Variants in SHTN1 observed in about 807,000 individuals in gnomAD.
SHTN1 encodes shootin-1.
Under a neutral mutation model 83.1 loss-of-function variants are expected in SHTN1, and 42 were observed. The observed-to-expected ratio is 0.51, with a 90% CI of 0.39 to 0.65. The LOEUF (loss-of-function observed/expected upper bound fraction) is 0.65. SHTN1 is among the 30% of genes least tolerant of loss of function. The pLI is 0.00. For missense variants in SHTN1, 622 were observed against 737.8 expected, an observed-to-expected ratio of 0.84 and a Z score of 1.82; for synonymous variants, 224 against 247.7, an observed-to-expected ratio of 0.90 and a Z score of 0.90.
rs1425006865 is a variant in SHTN1 at position 116,921,589 on chromosome 10, C to T, written c.1113-73G>A. 9.5e-6 allele frequency: 10 copies of T among 1,054,976 alleles called. 1 individual carries two copies. Among genetic ancestry groups the T allele is most frequent in the African/African-American group, 1.6e-5 (1 of 62,746 alleles). 65.4% of individuals were successfully genotyped at this position (1,054,976 alleles called of 1,614,324 possible). A position where few individuals can be genotyped will look rare whatever the true frequency, so the allele number is the denominator to read the frequency against. ...TCCTAAATAACCAGTAAAAATCTCA[C>T]TCTTTGATAGGTGCATGAATATATA... On this transcript the variant is annotated intron_variant, in intron 11 of 16. Transcript: ENST00000355371.
In SHTN1 at chr10:117,051,999, C is replaced by CATATAT. The variant is rs71013635; in HGVS notation, c.-188-3495_-188-3490dup. 4.6e-3 allele frequency among the ~76,000 whole-genome samples: 156 copies of CATATAT among 34,118 alleles called. 8 individuals are homozygous for CATATAT. Among genetic ancestry groups the CATATAT allele is most frequent in the Middle Eastern group, 0.026 (1 of 38 alleles). The allele number at this position is 34,118 out of a possible 152,430, so 22.4% of individuals were successfully genotyped here. ...TACCTTTATTTTCAAATGACATAAT[C>CATATAT]ATATATATATATATATATATATAGA... On this transcript the variant is annotated intron_variant, in intron 1 of 17. Transcript: ENST00000392901.
intron 1 of SHTN1, among the ~76,000 whole-genome samples, chr10:117,064,209 C>CT (rs1852940205): frequency 6.6e-6 from 1 of 152,202 alleles, no homozygotes; most frequent in Non-Finnish European, 1.5e-5. Flanking sequence ...ATGCTCCAAC[C>CT]ATGAGTTTGC....
At chr10:116,987,271 T>C (rs1007692604) in intron 1 of SHTN1, among the ~76,000 whole-genome samples, 1 of 152,078 alleles carries the variant, frequency 6.6e-6, no homozygotes, top group Non-Finnish European at 1.5e-5. Flanking sequence ...GAGCTAATGA[T>C]AAAACTATGA....
upstream of SHTN1, among the ~76,000 whole-genome samples, chr10:117,009,279 T>C (rs1289515592): frequency 2.0e-5 from 3 of 152,086 alleles, no homozygotes; most frequent in African/African-American, 7.2e-5. Context: ...GACATATAGA[T>C]AATACATAGC....
rs534195833 is a variant in SHTN1 at position 116,982,962 on chromosome 10, C to CA, written c.59-3655dup. ...TGGGTAACAGAGCAAGACTCTGTCTCAAAAAAAAAAAAGAACAGATGAATC... is the reference window on the plus strand; with the variant it reads ...TGGGTAACAGAGCAAGACTCTGTCTCAAAAAAAAAAAAAGAACAGATGAATC... On this transcript the variant is annotated intron_variant, in intron 1 of 16. Transcript: ENST00000355371. 6.6e-3 allele frequency among the ~76,000 whole-genome samples: 906 copies of CA among 137,988 alleles called. 6 individuals are homozygous for CA. The highest frequency in any genetic ancestry group is 0.022 in the South Asian group (97 of 4,358). The allele number at this position is 137,988 out of a possible 152,430, so 90.5% of individuals were successfully genotyped here.
intron 2 of SHTN1, among the ~76,000 whole-genome samples, chr10:117,034,346 C>T (rs926576522): frequency 6.6e-6 from 1 of 152,058 alleles, no homozygotes; most frequent in African/African-American, 2.4e-5. Context: ...TTGCAGGATA[C>T]AAAATCAACA....
In SHTN1 at chr10:117,028,714, G is replaced by A. The variant is rs142453373; in HGVS notation, c.-123+19731C>T. 3.9e-3 allele frequency among the ~76,000 whole-genome samples: 596 copies of A among 152,320 alleles called. 4 individuals are homozygous for A. The highest frequency in any genetic ancestry group is 0.013 in the African/African-American group (558 of 41,578). ...AGCTGCAAGCCTTGGCAGTTCCCACGTGGTGTTAAGCCTGCAGGTGCACAG... is the reference window on the plus strand; with the variant it reads ...AGCTGCAAGCCTTGGCAGTTCCCACATGGTGTTAAGCCTGCAGGTGCACAG... On this transcript the variant is annotated intron_variant, in intron 2 of 17. Coordinates refer to the SHTN1 transcript ENST00000392901.
intron 1 of SHTN1, among the ~76,000 whole-genome samples, chr10:117,069,530 C>T (rs1853050977): frequency 6.6e-6 from 1 of 152,196 alleles, no homozygotes; most frequent in Admixed American, 6.5e-5. Flanking sequence ...TAATCATGAA[C>T]TTGTGTAGGT....
At chr10:116,905,891 A>T (rs1299231153) in intron 15 of SHTN1, among the ~76,000 whole-genome samples, 1 of 152,202 alleles carries the variant, frequency 6.6e-6, no homozygotes, top group Non-Finnish European at 1.5e-5. Flanking sequence ...ACGCACAGTT[A>T]TGGGATACAT....
chr10:116,964,833 T>G (rs944969883), intron 3 of SHTN1, among the ~76,000 whole-genome samples: 8 of 151,432 alleles, frequency 5.3e-5, no homozygotes, highest in African/African-American at 1.9e-4. Flanking sequence ...AAATACAAAG[T>G]TAGCTGCCTG....
chr10:117,070,899 C>T (rs1173941358), intron 1 of SHTN1, among the ~76,000 whole-genome samples: 1 of 151,994 alleles, frequency 6.6e-6, no homozygotes, highest in Non-Finnish European at 1.5e-5. Flanking sequence ...GCTGCATCAT[C>T]TTCACCAGCC....
At position 117,003,598 on chromosome 10, in the gene SHTN1, A is replaced by G. The variant is rs1404923090; in HGVS notation, c.58+1424T>C. ...CTGTGGTTTTACGCAACAACAGGTA[A>G]GAGTACTGGACAGGACCTCAGAAAG... On this transcript the variant is annotated intron_variant, in intron 1 of 16. Coordinates refer to ENST00000355371, the MANE Select transcript of SHTN1 (RefSeq NM_001127211.3). Among the ~76,000 whole-genome samples the G allele has an allele frequency of 4.6e-5, 7 of 152,110 alleles. No homozygotes were observed. In the South Asian group the frequency reaches 6.2e-4, roughly 14 times the overall value.
At chr10:117,021,071 C>T (rs1852256855) in intron 2 of SHTN1, among the ~76,000 whole-genome samples, 1 of 152,050 alleles carries the variant, frequency 6.6e-6, no homozygotes, top group South Asian at 2.1e-4. Context: ...CAAGGAAATA[C>T]AAGTAAAAAC....
At chr10:117,102,501 C>G (rs1589933236) in intron 1 of SHTN1, among the ~76,000 whole-genome samples, 1 of 152,112 alleles carries the variant, frequency 6.6e-6, no homozygotes. Flanking sequence ...ATCCAAACCA[C>G]GACATGCTTC....
chr10:117,051,410 T>C (rs1363430952), intron 1 of SHTN1, among the ~76,000 whole-genome samples: 1 of 152,170 alleles, frequency 6.6e-6, no homozygotes, highest in Non-Finnish European at 1.5e-5. Flanking sequence ...TCCTGACTCA[T>C]TCCAAGAAGC....
chr10:116,979,392 G>C (rs923976447), intron 1 of SHTN1, 84 bp from the exon 2 acceptor site: 2 of 1,046,234 alleles, frequency 1.9e-6, no homozygotes, highest in African/African-American at 3.1e-5. Context: ...AACCCCCATA[G>C]TCTTCTTACT....
At chr10:116,980,822 T>C (rs1460292681) in intron 1 of SHTN1, among the ~76,000 whole-genome samples, 2 of 152,188 alleles carry the variant, frequency 1.3e-5, no homozygotes, top group Non-Finnish European at 1.5e-5. Flanking sequence ...ACTGTGATGG[T>C]GGCACCAAAG....
chr10:116,950,141 G>C (rs1849724207), intron 6 of SHTN1, among the ~76,000 whole-genome samples: 1 of 152,060 alleles, frequency 6.6e-6, no homozygotes, highest in Non-Finnish European at 1.5e-5. Context: ...GAATTAAGTT[G>C]GGTAGCAGGT....
intron 5 of SHTN1, among the ~76,000 whole-genome samples, chr10:116,952,703 CAT>C (rs1317997658): frequency 6.6e-6 from 1 of 152,190 alleles, no homozygotes; most frequent in Non-Finnish European, 1.5e-5. Flanking sequence ...TGAAAATACA[CAT>C]AGATTAGCAC....
Sources: gnomAD v4.1 joint callset for allele counts (sites outside exome capture counted in the v4.1 genomes callset) on GRCh38, gnomAD v4.1.1 for gene constraint, MANE v1.5 for transcripts, NCBI Gene and HGNC (gene_info 2026-07-23, HGNC 2026-07-21) for gene names.